The following PTPRJ variants were observed in gnomAD, a reference collection of about 807,000 sequenced individuals.
The protein encoded by PTPRJ is protein tyrosine phosphatase receptor type J.
Under a neutral mutation model 141.3 loss-of-function variants are expected in PTPRJ, and 129 were observed. The observed-to-expected ratio is 0.91, with a 90% CI of 0.79 to 1.06. The LOEUF (loss-of-function observed/expected upper bound fraction) is 1.06, where lower values mean the gene tolerates loss of function less well. PTPRJ is among the 50% of genes least tolerant of loss of function. PTPRJ has a pLI of 0.00. For synonymous variants in PTPRJ, 610 were observed against 640.5 expected (o/e 0.95, Z 0.72); for missense variants, 1,601 against 1,679.7 (o/e 0.95, Z 0.82).
chr11:48,143,640 C>G (rs1482140884), intron 12 of PTPRJ, among the ~76,000 whole-genome samples: 2 of 152,180 alleles, frequency 1.3e-5, no homozygotes, highest in African/African-American at 4.8e-5. Flanking sequence ...TTAAAAGCTG[C>G]TTTTCCTTAA....
At position 48,136,276 on chromosome 11, in the gene PTPRJ, A is replaced by G. The variant is rs745646284; in HGVS notation, c.1853A>G (p.Asn618Ser). ...GTGGACCACGTCTGGGGGGACCCCA[A>G]CTCCACTGCACAGTACACACGTAAG... Reference protein sequence around the residue: ...PEVDHVWGDPNSTAQYTRPSN... With the variant: ...PEVDHVWGDPSSTAQYTRPSN... Residue 618 changes from asparagine to serine, a missense_variant, in exon 9 of 25, where the codon AAC becomes AGC. Physicochemically the swap from Asn to Ser is conservative, Grantham distance 46. Transcript: ENST00000418331. 3.1e-5 allele frequency: 50 copies of G among 1,613,900 alleles called. No homozygotes were observed. Among genetic ancestry groups the G allele is most frequent in the Non-Finnish European group, 4.1e-5 (48 of 1,180,006 alleles).
chr11:48,133,391 G>A (rs571339925), intron 8 of PTPRJ, among the ~76,000 whole-genome samples: 2 of 152,194 alleles, frequency 1.3e-5, no homozygotes, highest in East Asian at 3.9e-4. Flanking sequence ...TTTAACACCT[G>A]CCTGGAATTG....
At chr11:48,040,111 G>A (rs1223484420) in intron 1 of PTPRJ, among the ~76,000 whole-genome samples, 1 of 152,114 alleles carries the variant, frequency 6.6e-6, no homozygotes, top group Admixed American at 6.5e-5. Flanking sequence ...TCTTGACATT[G>A]CCAATGCATC....
chr11:48,091,468 AC>A (rs895387030), intron 1 of PTPRJ, among the ~76,000 whole-genome samples: 7 of 152,102 alleles, frequency 4.6e-5, no homozygotes, highest in African/African-American at 1.7e-4. Context: ...ATTCTTTAGA[AC>A]CTTAGGGCAG....
At chr11:48,034,098 A>G (rs1854061955) in intron 1 of PTPRJ, among the ~76,000 whole-genome samples, 1 of 152,196 alleles carries the variant, frequency 6.6e-6, no homozygotes, top group African/African-American at 2.4e-5. Context: ...ACTTGGCCCA[A>G]GTCTCCCTTT....
rs1420136125 is a variant in PTPRJ, at chr11:48,169,441, G to A, written c.*2079G>A. The A allele has an allele frequency of 1.3e-5, 2 of 152,154 alleles. No individual in the cohort carries two copies. The highest frequency in any genetic ancestry group is 2.4e-5 in the African/African-American group (1 of 41,426). The allele number at this position is 152,154 out of a possible 1,614,324, so 9.4% of individuals were successfully genotyped here. ...GAAGCCACATTGTCCTCAGGGTGCTGTATGAAGCTGGGTGTGGGCGGATTC... is the reference window on the plus strand; with the variant it reads ...GAAGCCACATTGTCCTCAGGGTGCTATATGAAGCTGGGTGTGGGCGGATTC... On this transcript the variant is annotated 3_prime_UTR_variant, in exon 25 of 25. Coordinates refer to ENST00000418331, the MANE Select transcript of PTPRJ (RefSeq NM_002843.4).
At chr11:48,025,051 T>G (rs1253309254) in intron 1 of PTPRJ, among the ~76,000 whole-genome samples, 1 of 152,162 alleles carries the variant, frequency 6.6e-6, no homozygotes, top group Admixed American at 6.5e-5. Flanking sequence ...TATATGGGAA[T>G]AAGTGGGGTG....
chr11:48,149,936 G>A, intron 16 of PTPRJ, 54 bp from the exon 17 acceptor site: 2 of 1,335,850 alleles, frequency 1.5e-6, no homozygotes, highest in Non-Finnish European at 2.1e-6. Flanking sequence ...CATTTCTAGA[G>A]TATGAATGAG....
At chr11:48,010,234 G>A (rs1303004579) in intron 1 of PTPRJ, among the ~76,000 whole-genome samples, 1 of 152,082 alleles carries the variant, frequency 6.6e-6, no homozygotes, top group Non-Finnish European at 1.5e-5. Context: ...CTGGAGTAGA[G>A]TGGCGTTATC....
chr11:48,025,133 A>AG (rs1565263495), intron 1 of PTPRJ, among the ~76,000 whole-genome samples: 1 of 152,064 alleles, frequency 6.6e-6, no homozygotes. Context: ...CCTGGAATCT[A>AG]GGGGGGGCAT....
intron 1 of PTPRJ, among the ~76,000 whole-genome samples, chr11:48,084,681 T>TGA (rs1855650978): frequency 6.6e-6 from 1 of 152,156 alleles, no homozygotes; most frequent in Admixed American, 6.5e-5. Context: ...ATGTGAGCTC[T>TGA]GAAAGTCCCA....
At chr11:48,083,646 C>T (rs1370357124) in intron 1 of PTPRJ, among the ~76,000 whole-genome samples, 2 of 152,184 alleles carry the variant, frequency 1.3e-5, no homozygotes, top group African/African-American at 2.4e-5. Flanking sequence ...GTCTGCCTCT[C>T]CTATGAGAAT....
intron 1 of PTPRJ, among the ~76,000 whole-genome samples, chr11:48,100,725 A>G (rs541292178): frequency 1.3e-5 from 2 of 152,238 alleles, no homozygotes; most frequent in African/African-American, 4.8e-5. Flanking sequence ...TCTACTAAAT[A>G]CAAAAAATTA....
In PTPRJ at chr11:48,149,459, G is replaced by T. The variant is rs1478771044; in HGVS notation, c.3012G>T (p.Lys1004Asn). Reference sequence around the variant, plus strand: ...TCTCTTAAAACAGGAAAGATGCAAAGAATAATGAAGTGTCCTTTTCTCAAA... The same window carrying T: ...TCTCTTAAAACAGGAAAGATGCAAATAATAATGAAGTGTCCTTTTCTCAAA... ...IFWRKKRKDA[K>N]NNEVSFSQIK... is the part of the protein sequence containing the mutation. The change falls in exon 16 of 25, where the codon AAG becomes AAT. Residue 1004 changes from lysine (K) to asparagine (N), a missense_variant. Coordinates refer to ENST00000418331, the MANE Select transcript of PTPRJ (RefSeq NM_002843.4). 6.6e-7 allele frequency: 1 copy of T among 1,519,428 alleles called. No individual in the cohort carries two copies. The highest frequency in any genetic ancestry group is 9.0e-7 in the Non-Finnish European group (1 of 1,107,326). 94.1% of individuals were successfully genotyped at this position (1,519,428 alleles called of 1,614,324 possible). A position where few individuals can be genotyped will look rare whatever the true frequency, so the allele number is the denominator to read the frequency against.
intron 15 of PTPRJ, among the ~76,000 whole-genome samples, chr11:48,147,211 A>G (rs574879463): frequency 6.6e-5 from 10 of 152,132 alleles, no homozygotes; most frequent in Non-Finnish European, 1.0e-4. Flanking sequence ...TTCAAATGAT[A>G]TGTTCTTGTT....
Position 48,125,122 on chromosome 11 carries a change from C to A in PTPRJ, c.1029C>A (p.Ala343=). ...TAGAGCCTGGCACCCGATACAATGC[C>A]ACCGTTTATTCCCAAGCAGCGAATG... ...VGLEPGTRYN[A]TVYSQAANGT... Residue 343 remains alanine (A), a synonymous_variant, in exon 6 of 25, where the codon GCC becomes GCA. Coordinates refer to ENST00000418331, the MANE Select transcript of PTPRJ (RefSeq NM_002843.4). 6.2e-7 allele frequency: 1 copy of A among 1,614,042 alleles called. No individual in the cohort carries two copies. The highest frequency in any genetic ancestry group is 8.5e-7 in the Non-Finnish European group (1 of 1,180,012).
At chr11:48,028,755 C>T (rs1000414361) in intron 1 of PTPRJ, among the ~76,000 whole-genome samples, 3 of 152,190 alleles carry the variant, frequency 2.0e-5, no homozygotes, top group Non-Finnish European at 4.4e-5. Flanking sequence ...TGTGCCACTG[C>T]ACTCCAGCCT....
chr11:48,024,105 C>T (rs1853739503), intron 1 of PTPRJ, among the ~76,000 whole-genome samples: 1 of 152,082 alleles, frequency 6.6e-6, no homozygotes, highest in Non-Finnish European at 1.5e-5. Context: ...CACTTACAGT[C>T]AGTGGCTTCA....
chr11:48,167,264 A>C lies in PTPRJ; in HGVS notation c.3916A>C (p.Lys1306Gln). 1 of 1,612,592 alleles carries C rather than the reference A, an allele frequency of 6.2e-7. No individual in the cohort carries two copies. Among genetic ancestry groups the C allele is most frequent in the Non-Finnish European group, 8.5e-7 (1 of 1,178,582 alleles). The change falls in exon 25 of 25, where the codon AAA (lysine) becomes CAA (glutamine). Residue 1306 changes from lysine to glutamine, a missense_variant. Lys to Gln is a moderately conservative substitution (Grantham distance 53, BLOSUM62 1). Coordinates refer to ENST00000418331, the MANE Select transcript of PTPRJ (RefSeq NM_002843.4). ...TATTGTCAGATCCCAGAAAGACTCA[A>C]AAGTAGATCTTATCTACCAGAACAC... ...LDIVRSQKDS[K>Q]VDLIYQNTTA...
Sources: gnomAD v4.1 joint callset for allele counts (sites outside exome capture counted in the v4.1 genomes callset) on GRCh38, gnomAD v4.1.1 for gene constraint, MANE v1.5 for transcripts, NCBI Gene and HGNC (gene_info 2026-07-23, HGNC 2026-07-21) for gene names.